Variants in ZMAT4 observed in about 807,000 individuals in gnomAD.
ZMAT4 encodes zinc finger matrin-type 4, also known as zinc finger matrin-type protein 4.
In ZMAT4, 17 loss-of-function variants were observed where a neutral mutation model predicts 28.7. The observed-to-expected ratio is 0.59, with a 90% CI of 0.41 to 0.89. ZMAT4 has a LOEUF of 0.89. Ranked by LOEUF, ZMAT4 falls within the 40% of genes least tolerant of loss-of-function variation. The pLI is 0.00. For missense variants in ZMAT4, 240 were observed against 283.8 expected (o/e 0.85, Z 1.11); for synonymous variants, 117 against 109.2 (o/e 1.07, Z -0.44).
chr8:40,723,752 C>T (rs1811205756), intron 3 of ZMAT4, among the ~76,000 whole-genome samples: 1 of 152,094 alleles, frequency 6.6e-6, no homozygotes, highest in Non-Finnish European at 1.5e-5. Flanking sequence ...GAACACAATA[C>T]ATTTGTCCTT....
chr8:40,734,476 C>T (rs1811675960), intron 3 of ZMAT4, among the ~76,000 whole-genome samples: 1 of 152,152 alleles, frequency 6.6e-6, no homozygotes. Context: ...TAGACGATTT[C>T]CTTGTGAAGA....
chr8:40,688,466 A>C (rs1809516959), intron 4 of ZMAT4, among the ~76,000 whole-genome samples: 1 of 152,138 alleles, frequency 6.6e-6, no homozygotes, highest in African/African-American at 2.4e-5. Flanking sequence ...AAAAGTAAAA[A>C]TAAAAATAAA....
At chr8:40,550,259 T>C (rs897295794) in intron 6 of ZMAT4, among the ~76,000 whole-genome samples, 4 of 152,134 alleles carry the variant, frequency 2.6e-5, no homozygotes, top group African/African-American at 4.8e-5. Context: ...CTTTCTGAGA[T>C]TGCACAGTGT....
intron 3 of ZMAT4, among the ~76,000 whole-genome samples, chr8:40,698,078 T>C (rs946150162): frequency 6.6e-6 from 1 of 152,156 alleles, no homozygotes; most frequent in Non-Finnish European, 1.5e-5. Context: ...ATGTTCAAGA[T>C]TTTTAGAGAT....
rs542828799 is a variant in ZMAT4, at chr8:40,777,312, C to T, written c.103-9582G>A. 4.6e-5 allele frequency among the ~76,000 whole-genome samples: 7 copies of T among 152,242 alleles called. No individual in the cohort carries two copies. In the South Asian group the frequency reaches 6.2e-4, roughly 14 times the overall value. On this transcript the variant is annotated intron_variant, in intron 2 of 6. Coordinates refer to ENST00000297737, the MANE Select transcript of ZMAT4 (RefSeq NM_024645.3). Reference sequence around the variant, plus strand: ...CAGCACACACCTGGCTGCAGATGGGCGGGGAGAGGGGACATTTTGTCTGCA... The same window carrying T: ...CAGCACACACCTGGCTGCAGATGGGTGGGGAGAGGGGACATTTTGTCTGCA...
At position 40,573,015 on chromosome 8, in the gene ZMAT4, C is replaced by G. The variant is rs1006289819; in HGVS notation, c.674+8150G>C. ...GAGACTCAATTTTCTAACCTATAACCTGAAGATAAGAACATCTGGCCAACT... is the reference window on the plus strand; with the variant it reads ...GAGACTCAATTTTCTAACCTATAACGTGAAGATAAGAACATCTGGCCAACT... On this transcript the variant is annotated intron_variant, in intron 6 of 6. Transcript: ENST00000297737. 2.0e-5 allele frequency among the ~76,000 whole-genome samples: 3 copies of G among 152,248 alleles called. No individual in the cohort carries two copies. In the South Asian group the frequency reaches 6.2e-4, roughly 32 times the overall value.
intron 2 of ZMAT4, among the ~76,000 whole-genome samples, chr8:40,776,472 A>G (rs1813601617): frequency 6.6e-6 from 1 of 152,218 alleles, no homozygotes; most frequent in African/African-American, 2.4e-5. Context: ...TCAAAAAATT[A>G]AATTACCACC....
At chr8:40,689,633 A>G (rs1809570952) in intron 4 of ZMAT4, among the ~76,000 whole-genome samples, 1 of 151,974 alleles carries the variant, frequency 6.6e-6, no homozygotes, top group Non-Finnish European at 1.5e-5. Context: ...TTCATAGACT[A>G]GACACTTTTA....
chr8:40,812,757 C>G (rs1457571885), intron 2 of ZMAT4, among the ~76,000 whole-genome samples: 1 of 151,974 alleles, frequency 6.6e-6, no homozygotes, highest in African/African-American at 2.4e-5. Context: ...ATAGTGAAAC[C>G]CTGTCTCTAT....
intron 3 of ZMAT4, among the ~76,000 whole-genome samples, chr8:40,743,560 C>G (rs1313536887): frequency 6.6e-6 from 1 of 152,218 alleles, no homozygotes; most frequent in African/African-American, 2.4e-5. Flanking sequence ...GTGCCTACAA[C>G]GCACAAGGAC....
intron 5 of ZMAT4, among the ~76,000 whole-genome samples, chr8:40,647,519 A>C (rs1243716419): frequency 1.3e-5 from 2 of 151,376 alleles, no homozygotes; most frequent in Middle Eastern, 3.4e-3. Flanking sequence ...ACCATTGCCC[A>C]GGCTTGATTA....
At chr8:40,541,098 A>G (rs966056964) in intron 6 of ZMAT4, among the ~76,000 whole-genome samples, 1 of 152,236 alleles carries the variant, frequency 6.6e-6, no homozygotes, top group Admixed American at 6.5e-5. Flanking sequence ...TGAAGATTAA[A>G]TGAATTAATA....
At position 40,801,356 on chromosome 8, in the gene ZMAT4, A is replaced by ATATATATG. The variant is rs1554559762; in HGVS notation, c.102+24218_102+24219insCATATATA. On this transcript the variant is annotated intron_variant, in intron 2 of 6. Coordinates refer to ENST00000297737, the MANE Select transcript of ZMAT4 (RefSeq NM_024645.3). ...ATACTTTCTTTAAAAAAAAAAATATATATATATATATATATACATATATAT... is the reference window on the plus strand; with the variant it reads ...ATACTTTCTTTAAAAAAAAAAATATATATATATGTATATATATATATATACATATATAT... Among the ~76,000 whole-genome samples the ATATATATG allele has an allele frequency of 8.2e-3, 1,149 of 139,666 alleles. 17 individuals carry two copies. Among genetic ancestry groups the ATATATATG allele is most frequent in the Middle Eastern group, 0.022 (6 of 272 alleles). The allele number at this position is 139,666 out of a possible 152,430, so 91.6% of individuals were successfully genotyped here.
Position 40,588,436 on chromosome 8 carries a change from A to T in ZMAT4, c.578-7175T>A, listed in dbSNP as rs547574368. On this transcript the variant is annotated intron_variant, in intron 5 of 6. Coordinates refer to ENST00000297737, the MANE Select transcript of ZMAT4 (RefSeq NM_024645.3). ...ACTCCTACAACTCAATAATAAAAAT[A>T]CAATCTAATTTTTTTAAAGGGCAAA... Among the ~76,000 whole-genome samples the T allele has an allele frequency of 7.2e-5, 11 of 152,268 alleles. No individual in the cohort carries two copies. In the South Asian group the frequency reaches 2.1e-3, roughly 29 times the overall value.
intron 5 of ZMAT4, among the ~76,000 whole-genome samples, chr8:40,584,756 C>T (rs1804611782): frequency 6.6e-6 from 1 of 152,108 alleles, no homozygotes; most frequent in South Asian, 2.1e-4. Context: ...GCCTCAGCCT[C>T]CCAAGTAGCT....
intron 6 of ZMAT4, among the ~76,000 whole-genome samples, chr8:40,563,643 T>C (rs1279154403): frequency 6.6e-6 from 1 of 152,200 alleles, no homozygotes; most frequent in African/African-American, 2.4e-5. Flanking sequence ...AACTAGACTT[T>C]AAAATTTGAA....
At chr8:40,553,485 CA>C (rs1161339828) in intron 6 of ZMAT4, among the ~76,000 whole-genome samples, 3 of 152,038 alleles carry the variant, frequency 2.0e-5, no homozygotes, top group African/African-American at 4.8e-5. Context: ...CTAAAAATGC[CA>C]AAAAAATTTT....
intron 1 of ZMAT4, among the ~76,000 whole-genome samples, chr8:40,841,486 G>C (rs969305652): frequency 6.6e-6 from 1 of 152,086 alleles, no homozygotes; most frequent in African/African-American, 2.4e-5. Flanking sequence ...GCTAAGCATT[G>C]CCTCTCTGAG....
chr8:40,548,246 A>G (rs1803262590), intron 6 of ZMAT4, among the ~76,000 whole-genome samples: 2 of 152,146 alleles, frequency 1.3e-5, no homozygotes, highest in Non-Finnish European at 2.9e-5. Context: ...TGAACCACAG[A>G]GTGGGTGGTT....
Sources: gnomAD v4.1 joint callset for allele counts (sites outside exome capture counted in the v4.1 genomes callset) on GRCh38, gnomAD v4.1.1 for gene constraint, MANE v1.5 for transcripts, NCBI Gene and HGNC (gene_info 2026-07-23, HGNC 2026-07-21) for gene names.